The following DNAH8 variants were observed in gnomAD, a reference collection of about 807,000 sequenced individuals.
DNAH8 encodes the protein dynein axonemal heavy chain 8, also known as axonemal beta dynein heavy chain 8.
A neutral mutation model predicts 562.1 loss-of-function variants in DNAH8; 382 were observed. That is an observed-to-expected ratio of 0.68 (90% CI 0.63 to 0.74). DNAH8 has a LOEUF of 0.74. Ranked by LOEUF, DNAH8 falls within the 30% of genes least tolerant of loss-of-function variation. The pLI is 0.00. For missense variants in DNAH8, 5,203 were observed against 5,620.4 expected (o/e 0.93, Z 2.37); for synonymous variants, 1,881 against 1,919.4 (o/e 0.98, Z 0.52).
rs1761892373 is a variant in DNAH8, at chr6:38,951,362, T to C, written c.12293T>C (p.Ile4098Thr). 1 of 1,614,124 alleles carries C rather than the reference T, an allele frequency of 6.2e-7. No individual in the cohort carries two copies. Among genetic ancestry groups the C allele is most frequent in the South Asian group, 1.1e-5 (1 of 91,094 alleles). ...DRTVFQARKY[I>T]ADSLEEKYTE... is the part of the protein sequence containing the mutation. The stretch of plus-strand genomic sequence containing the variant: ...ACTGTTTTTCAAGCAAGAAAGTATA[T>C]TGCAGATTCTTTGGAGGAGAAGTAC... Residue 4098 changes from isoleucine (I) to threonine (T), a missense_variant, in exon 82 of 93, where the codon ATT (isoleucine) becomes ACT (threonine). Physicochemically the swap from Ile to Thr is moderately conservative, Grantham distance 89 (BLOSUM62 -1). This residue lies in a region of DNAH8 where 1,399 missense variants were observed against 1,518.4 expected (regional missense o/e 0.92). Coordinates refer to ENST00000327475, the MANE Select transcript of DNAH8 (RefSeq NM_001206927.2).
chr6:38,792,447 T>C (rs1459217931), intron 21 of DNAH8, among the ~76,000 whole-genome samples: 1 of 152,146 alleles, frequency 6.6e-6, no homozygotes, highest in Admixed American at 6.5e-5. Context: ...CCTTTCTAGG[T>C]CAGGTCGTTA....
chr6:38,945,387 G>C, intron 79 of DNAH8, 80 bp from the exon 80 acceptor site: 1 of 1,452,270 alleles, frequency 6.9e-7, no homozygotes, highest in Non-Finnish European at 9.4e-7. Context: ...TGGCTATTTT[G>C]CTTTTATTAT....
intron 24 of DNAH8, among the ~76,000 whole-genome samples, chr6:38,811,798 C>T (rs1771819115): frequency 6.6e-6 from 1 of 151,948 alleles, no homozygotes; most frequent in Non-Finnish European, 1.5e-5. Context: ...TTTCTTTTTC[C>T]TTCTCTCTCT....
intron 83 of DNAH8, among the ~76,000 whole-genome samples, chr6:38,973,109 G>C (rs1414912114): frequency 6.6e-6 from 1 of 152,212 alleles, no homozygotes; most frequent in African/African-American, 2.4e-5. Context: ...GTTTAATCAA[G>C]TATTTATTTA....
rs1209569915 is a variant in DNAH8 at position 38,832,418 on chromosome 6, G to A, written c.4285G>A (p.Ala1429Thr). 4 of 1,603,726 alleles carry A rather than the reference G, an allele frequency of 2.5e-6. No individual in the cohort carries two copies. In the African/African-American group the frequency reaches 5.4e-5, roughly 21 times the overall value. ...EVFREDVINF[A>T]EAYELEGPMV... is the part of the protein sequence containing the mutation. ...TTTTCGTGAGGACGTGATAAACTTTGCAGAAGCATATGAATTGGTAATTTA... is the reference window on the plus strand; with the variant it reads ...TTTTCGTGAGGACGTGATAAACTTTACAGAAGCATATGAATTGGTAATTTA... Residue 1429 changes from alanine (A) to threonine (T), a missense_variant, in exon 31 of 93, where the codon GCA becomes ACA. Physicochemically the swap from Ala to Thr is moderately conservative, Grantham distance 58. Transcript: ENST00000327475.
At chr6:38,765,910 C>T (rs897384597) in intron 11 of DNAH8, among the ~76,000 whole-genome samples, 3 of 152,018 alleles carry the variant, frequency 2.0e-5, no homozygotes, top group Admixed American at 6.6e-5. Flanking sequence ...TATAGAGGTT[C>T]CCCCCAATAT....
chr6:38,868,064 T>TCATTA lies in DNAH8; in HGVS notation c.6697_6701dup (p.Asp2235IlefsTer6), dbSNP rs765961942. On this transcript the variant is annotated frameshift_variant, in exon 48 of 93. Coordinates refer to ENST00000327475, the MANE Select transcript of DNAH8 (RefSeq NM_001206927.2). LOFTEE classifies it high-confidence loss of function. ...TTTGCCCTCTTCTCCCATCTCAGGT[T>TCATTA]CATTATGACTTTGGATTGAGAAATA... is the stretch of plus-strand genomic sequence containing the variant. 1 of 1,606,024 alleles carries TCATTA rather than the reference T, an allele frequency of 6.2e-7. No individual in the cohort carries two copies. The highest frequency in any genetic ancestry group is 2.2e-5 in the East Asian group (1 of 44,812).
intron 49 of DNAH8, 60 bp from the exon 50 acceptor site, chr6:38,872,476 T>C: frequency 3.2e-6 from 5 of 1,554,868 alleles, no homozygotes; most frequent in Non-Finnish European, 4.4e-6. Context: ...AAGTAGCTAC[T>C]ATGAATGTCA....
At position 38,862,297 on chromosome 6, in the gene DNAH8, C is replaced by CA; in HGVS notation, c.6149_6150insA (p.Gln2051SerfsTer65). On this transcript the variant is annotated frameshift_variant, in exon 44 of 93. Coordinates refer to ENST00000327475, the MANE Select transcript of DNAH8 (RefSeq NM_001206927.2). LOFTEE classifies it high-confidence loss of function. ...ATTTGCAGATGCTATATCACGTTAG[C>CA]TCAGGCCTTGGGCATGAACATGGGA... 6.2e-7 allele frequency: 1 copy of CA among 1,613,594 alleles called. No homozygotes were observed. Among genetic ancestry groups the CA allele is most frequent in the Admixed American group, 1.7e-5 (1 of 59,916 alleles).
At chr6:38,793,301 G>A (rs569837979) in intron 21 of DNAH8, among the ~76,000 whole-genome samples, 21 of 152,118 alleles carry the variant, frequency 1.4e-4, no homozygotes, top group Non-Finnish European at 2.9e-4. Context: ...TTATAAGTGT[G>A]AGCCACCTTG....
chr6:38,922,905 A>T, intron 71 of DNAH8, 153 bp from the exon 72 acceptor site: 1 of 721,868 alleles, frequency 1.4e-6, no homozygotes, highest in Non-Finnish European at 2.1e-6. Flanking sequence ...ATCAAAATTT[A>T]ATATGTGAAG....
At chr6:38,950,355 A>C (rs186442216) in intron 81 of DNAH8, among the ~76,000 whole-genome samples, 2 of 152,214 alleles carry the variant, frequency 1.3e-5, no homozygotes, top group Admixed American at 1.3e-4. Context: ...CACTTCTTAG[A>C]AAAAGCTGTT....
At chr6:38,904,646 G>T (rs1780306768) in intron 62 of DNAH8, among the ~76,000 whole-genome samples, 2 of 151,942 alleles carry the variant, frequency 1.3e-5, no homozygotes, top group South Asian at 2.1e-4. Flanking sequence ...AAAAAAATTA[G>T]CTGGGCATAG....
At chr6:38,730,705 T>G (rs148212539) in intron 4 of DNAH8, among the ~76,000 whole-genome samples, 22 of 152,230 alleles carry the variant, frequency 1.4e-4, no homozygotes, top group African/African-American at 5.1e-4. Flanking sequence ...TTTATTGGAT[T>G]GGGTCCACAT....
At chr6:38,939,655 A>G (rs1783274245) in intron 79 of DNAH8, among the ~76,000 whole-genome samples, 1 of 152,220 alleles carries the variant, frequency 6.6e-6, no homozygotes, top group Non-Finnish European at 1.5e-5. Context: ...AAAAGGAGGG[A>G]AAGATTACAT....
chr6:38,907,696 A>G (rs1780585905), intron 63 of DNAH8, among the ~76,000 whole-genome samples: 1 of 152,160 alleles, frequency 6.6e-6, no homozygotes. Context: ...TTTTAAAGAG[A>G]TGATTGAGTG....
Position 38,730,914 on chromosome 6 carries a change from C to G in DNAH8, c.610+928C>G, listed in dbSNP as rs199693330. Among the ~76,000 whole-genome samples, 14 of 152,284 alleles carry G rather than the reference C, an allele frequency of 9.2e-5. No individual in the cohort carries two copies. In the East Asian group the frequency reaches 2.5e-3, roughly 27 times the overall value. Reference sequence around the variant, plus strand: ...TCTTCTCTCCACTCAGCATCCCCTACCCGGCTCCTTCAGAACACCTCCAGC... The same window carrying G: ...TCTTCTCTCCACTCAGCATCCCCTAGCCGGCTCCTTCAGAACACCTCCAGC... On this transcript the variant is annotated intron_variant, in intron 4 of 92. Transcript: ENST00000327475.
chr6:39,016,499 C>T (rs1362254811), intron 91 of DNAH8, among the ~76,000 whole-genome samples: 7 of 149,066 alleles, frequency 4.7e-5, no homozygotes, highest in African/African-American at 7.5e-5. Context: ...TGCAGTGGGC[C>T]GAGATCGCGC....
At chr6:38,921,539 T>G (rs1379321565) in intron 71 of DNAH8, 33 bp downstream of exon 71, 8 of 1,601,300 alleles carry the variant, frequency 5.0e-6, no homozygotes, top group Non-Finnish European at 6.8e-6. Flanking sequence ...CCCAAAATGG[T>G]GTACTGAAAC....
Sources: allele counts gnomAD v4.1 joint callset (sites outside exome capture counted in the v4.1 genomes callset), GRCh38; gene constraint gnomAD v4.1.1; regional missense constraint gnomAD v4.1.1; transcripts MANE v1.5; gene names NCBI Gene and HGNC (gene_info 2026-07-23, HGNC 2026-07-21).